The following BTN2A2 variants were observed in gnomAD, a reference collection of about 807,000 sequenced individuals.
The protein encoded by BTN2A2 is butyrophilin subfamily 2 member A2.
A neutral mutation model predicts 34.7 loss-of-function variants in BTN2A2; 29 were observed. That is an observed-to-expected ratio of 0.84 (90% CI 0.62 to 1.14). BTN2A2 has a LOEUF of 1.14. BTN2A2 is among the 50% of genes most tolerant of loss of function. The pLI is 0.00. For missense variants in BTN2A2, 612 were observed against 651.5 expected (o/e 0.94, Z 0.66); for synonymous variants, 240 against 253.1 (o/e 0.95, Z 0.49).
rs1281241156 is a variant in BTN2A2 at position 26,392,358 on chromosome 6, T to C, written c.980-17T>C. The C allele has an allele frequency of 6.2e-7, 1 of 1,614,026 alleles. No homozygotes were observed. The highest frequency in any genetic ancestry group is 2.2e-5 in the East Asian group (1 of 44,860). On this transcript the variant is annotated splice_polypyrimidine_tract_variant and intron_variant, in intron 7 of 7. Coordinates refer to ENST00000356709, the MANE Select transcript of BTN2A2 (RefSeq NM_006995.5). Reference sequence around the variant, plus strand: ...GTTCCTGAGACCCCAGGCATAAACCTGAGACTTCCTCTGCAGCTGATGTGG... The same window carrying C: ...GTTCCTGAGACCCCAGGCATAAACCCGAGACTTCCTCTGCAGCTGATGTGG...
Position 26,385,009 on chromosome 6 carries a change from G to A in BTN2A2, c.95-6G>A, listed in dbSNP as rs1193391197. 1 of 1,610,524 alleles carries A rather than the reference G, an allele frequency of 6.2e-7. No homozygotes were observed. On this transcript the variant is annotated splice_polypyrimidine_tract_variant and splice_region_variant and intron_variant, in intron 2 of 7. Coordinates refer to ENST00000356709, the MANE Select transcript of BTN2A2 (RefSeq NM_006995.5). ...ATCCTTGTCTGATTCTGCCCTTGTT[G>A]AACAGCCCAGTTTACTGTCGTGGGG...
Position 26,393,766 on chromosome 6 carries a change from C to T in BTN2A2, c.*799C>T, listed in dbSNP as rs1761743005. On this transcript the variant is annotated 3_prime_UTR_variant, in exon 8 of 8. Transcript: ENST00000356709. ...TGGGGACACCAGTGGCTTCAAACTT[C>T]CTGATCTAATTATGTTTTTAGACAC... is the stretch of plus-strand genomic sequence containing the variant. The T allele has an allele frequency of 1.0e-6, 1 of 986,214 alleles. No individual in the cohort carries two copies. The highest frequency in any genetic ancestry group is 1.2e-6 in the Non-Finnish European group (1 of 830,570). 61.1% of individuals were successfully genotyped at this position (986,214 alleles called of 1,614,324 possible). A position where few individuals can be genotyped will look rare whatever the true frequency, so the allele number is the denominator to read the frequency against.
Position 26,390,198 on chromosome 6 carries a change from A to G in BTN2A2, c.918A>G (p.Glu306=). The G allele has an allele frequency of 6.2e-7, 1 of 1,614,024 alleles. No homozygotes were observed. Among genetic ancestry groups the G allele is most frequent in the Non-Finnish European group, 8.5e-7 (1 of 1,179,960 alleles). ...LSGEKKVEQE[E]KEIAQQLQEE... The stretch of plus-strand genomic sequence containing the variant: ...GGGAAAAGAAAGTTGAACAAGAGGA[A>G]AAAGAAATTGCACGTAAGGAATTTG... Residue 306 remains glutamate, a synonymous_variant, in exon 5 of 8, where the codon GAA becomes GAG. Coordinates refer to ENST00000356709, the MANE Select transcript of BTN2A2 (RefSeq NM_006995.5).
At chr6:26,390,387 C>A in intron 5 of BTN2A2, 176 bp downstream of exon 5, 1 of 714,702 alleles carries the variant, frequency 1.4e-6, no homozygotes, top group Non-Finnish European at 2.3e-6. Context: ...ACTCTCATGT[C>A]ATAAGAAGTA....
chr6:26,390,979 G>A, intron 7 of BTN2A2, 150 bp downstream of exon 7: 1 of 1,167,774 alleles, frequency 8.6e-7, no homozygotes. Flanking sequence ...CAGCAATGAT[G>A]CATCATGGCT....
At position 26,383,959 on chromosome 6, in the gene BTN2A2, A is replaced by T. The variant is rs780977332; in HGVS notation, c.94+44A>T. On this transcript the variant is annotated intron_variant, in intron 2 of 7. Coordinates refer to ENST00000356709, the MANE Select transcript of BTN2A2 (RefSeq NM_006995.5). The surrounding 1 kb of genome is among the most constrained non-coding windows in gnomAD (Gnocchi z 4.4). ...TGCTGCTGTCACCTCTCAGAAAGGAACATCAACCCTGTAGTCTGCAAAGGG... is the reference window on the plus strand; with the variant it reads ...TGCTGCTGTCACCTCTCAGAAAGGATCATCAACCCTGTAGTCTGCAAAGGG... 1 of 1,577,182 alleles carries T rather than the reference A, an allele frequency of 6.3e-7. No individual in the cohort carries two copies. The highest frequency in any genetic ancestry group is 8.7e-7 in the Non-Finnish European group (1 of 1,146,588).
rs999348536 is a variant in BTN2A2 at position 26,390,608 on chromosome 6, C to G, written c.932-79C>G. 1.2e-5 allele frequency: 19 copies of G among 1,582,532 alleles called. No homozygotes were observed. The Admixed American group carries it at 1.8e-4, about 15-fold the overall frequency. The stretch of plus-strand genomic sequence containing the variant: ...TTGGTGTTCATAGAAAGGATGGTTC[C>G]TACGTTGTTTAATACAAGCTCAATT... On this transcript the variant is annotated intron_variant, in intron 5 of 7. Transcript: ENST00000356709.
rs567841367 is a variant in BTN2A2 at position 26,394,208 on chromosome 6, C to T, written c.*1241C>T. 1.3e-5 allele frequency: 9 copies of T among 689,538 alleles called. No individual in the cohort carries two copies. The African/African-American group carries it at 1.6e-4, about 12-fold the overall frequency. 42.7% of individuals were successfully genotyped at this position (689,538 alleles called of 1,614,324 possible). A position where few individuals can be genotyped will look rare whatever the true frequency, so the allele number is the denominator to read the frequency against. Reference sequence around the variant, plus strand: ...TAACACTGGGGACTCCTTAAGAGTACATCAGAGTTCTCTCTAGGAATCCCA... The same window carrying T: ...TAACACTGGGGACTCCTTAAGAGTATATCAGAGTTCTCTCTAGGAATCCCA... On this transcript the variant is annotated 3_prime_UTR_variant, in exon 8 of 8. Coordinates refer to ENST00000356709, the MANE Select transcript of BTN2A2 (RefSeq NM_006995.5).
Position 26,393,726 on chromosome 6 carries a change from A to G in BTN2A2, c.*759A>G, listed in dbSNP as rs892569763. On this transcript the variant is annotated 3_prime_UTR_variant, in exon 8 of 8. Transcript: ENST00000356709. ...GGCAGTACTGGACCAGGTCTACGTC[A>G]GCATTCAGGTTCAATGGGGACACCA... 5 of 987,384 alleles carry G rather than the reference A, an allele frequency of 5.1e-6. No individual in the cohort carries two copies. The East Asian group carries it at 5.6e-4, about 111-fold the overall frequency. The allele number at this position is 987,384 out of a possible 1,614,324, so 61.2% of individuals were successfully genotyped here. A position where few individuals can be genotyped will look rare whatever the true frequency, so the allele number is the denominator to read the frequency against.
At position 26,385,022 on chromosome 6, in the gene BTN2A2, T is replaced by C. The variant is rs1479057615; in HGVS notation, c.102T>C (p.Phe34=). ...LSLCALVSAQ[F]TVVGPANPIL... is the part of the protein sequence containing the mutation. ...TCTGCCCTTGTTGAACAGCCCAGTT[T>C]ACTGTCGTGGGGCCAGCTAATCCCA... is the stretch of plus-strand genomic sequence containing the variant. The change falls in exon 3 of 8, where the codon TTT becomes TTC. Residue 34 remains phenylalanine, a synonymous_variant. Transcript: ENST00000356709. 3.7e-6 allele frequency: 6 copies of C among 1,613,640 alleles called. No individual in the cohort carries two copies. In the Admixed American group the frequency reaches 1.0e-4, roughly 27 times the overall value.
chr6:26,394,311 T>A lies in BTN2A2; in HGVS notation c.*1344T>A. On this transcript the variant is annotated 3_prime_UTR_variant, in exon 8 of 8. Transcript: ENST00000356709. ...GGTTAATTTTAGATGTCAACCTGAC[T>A]GGATTAAGGAATACCTAGACAGCTG... The A allele has an allele frequency of 1.4e-6, 1 of 700,784 alleles. No individual in the cohort carries two copies. The highest frequency in any genetic ancestry group is 2.6e-6 in the Non-Finnish European group (1 of 384,782). The allele number at this position is 700,784 out of a possible 1,614,324, so 43.4% of individuals were successfully genotyped here.
intron 5 of BTN2A2, 137 bp from the exon 6 acceptor site, chr6:26,390,550 T>G: frequency 9.3e-7 from 1 of 1,080,470 alleles, no homozygotes; most frequent in Non-Finnish European, 1.4e-6. Flanking sequence ...TGCTGGTTTC[T>G]GACTGTTCCT....
chr6:26,383,845 C>G lies in BTN2A2; in HGVS notation c.24C>G (p.His8Gln). 1 of 1,614,158 alleles carries G rather than the reference C, an allele frequency of 6.2e-7. No individual in the cohort carries two copies. Among genetic ancestry groups the G allele is most frequent in the Non-Finnish European group, 8.5e-7 (1 of 1,180,034 alleles). The part of the protein sequence containing the change: MEPAAAL[H>Q]FSLPASLLLL... ...TCATGGAACCAGCTGCTGCTCTGCACTTCTCCCTGCCAGCCTCCCTCCTCC... is the reference window on the plus strand; with the variant it reads ...TCATGGAACCAGCTGCTGCTCTGCAGTTCTCCCTGCCAGCCTCCCTCCTCC... Residue 8 changes from histidine to glutamine, a missense_variant, in exon 2 of 8, where the codon CAC becomes CAG. His to Gln is a conservative substitution (Grantham distance 24). Coordinates refer to ENST00000356709, the MANE Select transcript of BTN2A2 (RefSeq NM_006995.5). This position sits in a 1 kb window ranked among gnomAD's most constrained non-coding sequence, Gnocchi z 4.4.
rs1761112622 is a variant in BTN2A2, at chr6:26,385,207, A to AC, written c.289dup (p.Arg97ProfsTer22). The AC allele has an allele frequency of 6.2e-7, 1 of 1,614,132 alleles. No individual in the cohort carries two copies. Among genetic ancestry groups the AC allele is most frequent in the African/African-American group, 1.3e-5 (1 of 75,000 alleles). On this transcript the variant is annotated frameshift_variant, in exon 3 of 8. Transcript: ENST00000356709. LOFTEE classifies it high-confidence loss of function. ...AGAACAGAGGAGCAGATGGAGGAGTACCGGGGAAGAATCACCTTTGTGAGC... is the reference window on the plus strand; with the variant it reads ...AGAACAGAGGAGCAGATGGAGGAGTACCCGGGGAAGAATCACCTTTGTGAGC...
chr6:26,392,652 C>T lies in BTN2A2; in HGVS notation c.1257C>T (p.Thr419=). The T allele has an allele frequency of 6.2e-7, 1 of 1,614,120 alleles. No individual in the cohort carries two copies. The highest frequency in any genetic ancestry group is 8.5e-7 in the Non-Finnish European group (1 of 1,180,022). The change falls in exon 8 of 8, where the codon ACC becomes ACT. Residue 419 remains threonine (T), a synonymous_variant. Transcript: ENST00000356709. Reference sequence around the variant, plus strand: ...TGATTCCTCAGAATGGCTTCTGGACCCTGGAGATGTTTGGAAACCAATACC... The same window carrying T: ...TGATTCCTCAGAATGGCTTCTGGACTCTGGAGATGTTTGGAAACCAATACC... ...VLLIPQNGFW[T]LEMFGNQYRA... is the part of the protein sequence containing the mutation.
chr6:26,389,070 G>A (rs1581600099), intron 4 of BTN2A2, among the ~76,000 whole-genome samples: 1 of 152,038 alleles, frequency 6.6e-6, no homozygotes, highest in East Asian at 1.9e-4. Flanking sequence ...CGTCAAGATC[G>A]TGCCACTGCA....
rs1002437233 is a variant in BTN2A2, at chr6:26,385,382, T to C, written c.442+20T>C. On this transcript the variant is annotated intron_variant, in intron 3 of 7. Transcript: ENST00000356709. Reference sequence around the variant, plus strand: ...TGGCAGGTGCATCACTTCATTTTGCTTTATTACTTTTGCACAGTGTGACTT... The same window carrying C: ...TGGCAGGTGCATCACTTCATTTTGCCTTATTACTTTTGCACAGTGTGACTT... The C allele has an allele frequency of 2.5e-6, 4 of 1,602,678 alleles. No homozygotes were observed. Among genetic ancestry groups the C allele is most frequent in the African/African-American group, 2.7e-5 (2 of 74,676 alleles).
At chr6:26,390,313 C>T in intron 5 of BTN2A2, 102 bp downstream of exon 5, 1 of 1,214,698 alleles carries the variant, frequency 8.2e-7, no homozygotes, top group Non-Finnish European at 1.1e-6. Context: ...GGCCACAGCT[C>T]TCACAGGTAC....
intron 3 of BTN2A2, among the ~76,000 whole-genome samples, chr6:26,386,353 A>G (rs993884563): frequency 1.8e-4 from 25 of 139,542 alleles, no homozygotes; most frequent in African/African-American, 8.0e-4. Context: ...GGTATATTTC[A>G]GGACTGAAAA....
Sources: allele counts gnomAD v4.1 joint callset (sites outside exome capture counted in the v4.1 genomes callset), GRCh38; gene constraint gnomAD v4.1.1; non-coding constraint Gnocchi (gnomAD v3.1); transcripts MANE v1.5; gene names NCBI Gene and HGNC (gene_info 2026-07-23, HGNC 2026-07-21).